STRN: variants seen among roughly 807,000 people sequenced by gnomAD.
The protein encoded by STRN is striatin.
A neutral mutation model predicts 96.3 loss-of-function variants in STRN; 53 were observed. The observed-to-expected ratio is 0.55, with a 90% CI of 0.44 to 0.69. The LOEUF is 0.69. Among genes scored for constraint, STRN ranks in the 30% least tolerant of loss-of-function variants. The probability of loss-of-function intolerance (pLI) is 0.00; values close to 1 mark genes in which losing one functional copy is unlikely to be tolerated. For synonymous variants in STRN, 428 were observed against 355.9 expected (o/e 1.20, Z -2.28); for missense variants, 987 against 963.9 (o/e 1.02, Z -0.32).
chr2:36,964,243 T>C lies in STRN; in HGVS notation c.234+1987A>G, dbSNP rs139802071. Among the ~76,000 whole-genome samples, 4 of 151,416 alleles carry C rather than the reference T, an allele frequency of 2.6e-5. No individual in the cohort carries two copies. The East Asian group carries it at 7.7e-4, about 29-fold the overall frequency. On this transcript the variant is annotated intron_variant, in intron 1 of 17. Coordinates refer to ENST00000263918, the MANE Select transcript of STRN (RefSeq NM_003162.4). ...CTACAGGTAGAAAGGTAAGCATTGT[T>C]TTCTGGTGTGTGTGTGTGTTTTGTT...
At chr2:36,917,811 A>C (rs1264679122) in intron 2 of STRN, among the ~76,000 whole-genome samples, 2 of 151,970 alleles carry the variant, frequency 1.3e-5, no homozygotes, top group Non-Finnish European at 2.9e-5. Context: ...TTTTATAGTA[A>C]CATTTACACA....
Position 36,947,569 on chromosome 2 carries a change from T to TTATA in STRN, c.234+18657_234+18660dup, listed in dbSNP as rs951432929. Among the ~76,000 whole-genome samples, 1,379 of 145,758 alleles carry TTATA rather than the reference T, an allele frequency of 9.5e-3. 25 individuals are homozygous for TTATA. Among genetic ancestry groups the TTATA allele is most frequent in the African/African-American group, 0.033 (1,311 of 40,120 alleles). On this transcript the variant is annotated intron_variant, in intron 1 of 17. Coordinates refer to ENST00000263918, the MANE Select transcript of STRN (RefSeq NM_003162.4). ...AACATATATATTATTTACATATATA[T>TTATA]TATATATATATATATATAAAATCAC...
In STRN at chr2:36,839,502, C is replaced by G. The variant is rs753011181; in HGVS notation, c.*9954G>C. ...AACTACATGACCAGAAGTCTGTATT[C>G]AGAGAGTGAACAAGTCATTTGCTGG... On this transcript the variant is annotated 3_prime_UTR_variant, in exon 18 of 18. Transcript: ENST00000263918. Among the ~76,000 whole-genome samples, 1 of 152,154 alleles carries G rather than the reference C, an allele frequency of 6.6e-6. No individual in the cohort carries two copies. The highest frequency in any genetic ancestry group is 6.5e-5 in the Admixed American group (1 of 15,270).
chr2:36,861,124 T>G lies in STRN; in HGVS notation c.1669+8A>C. 6.2e-7 allele frequency: 1 copy of G among 1,612,096 alleles called. No homozygotes were observed. The highest frequency in any genetic ancestry group is 8.5e-7 in the Non-Finnish European group (1 of 1,179,530). ...TTTATTCCTTCAGATCTTTGGGAAA[T>G]CACCTACCATAAGAATCATAGGGGT... On this transcript the variant is annotated splice_region_variant and intron_variant, in intron 13 of 17. Transcript: ENST00000263918.
chr2:36,872,437 AT>A (rs1668786460), intron 10 of STRN, among the ~76,000 whole-genome samples: 1 of 152,212 alleles, frequency 6.6e-6, no homozygotes, highest in Non-Finnish European at 1.5e-5. Context: ...TCTGGCCAAC[AT>A]CTTGATTGCA....
chr2:36,903,941 C>T (rs942675407), intron 4 of STRN, among the ~76,000 whole-genome samples: 2 of 152,134 alleles, frequency 1.3e-5, no homozygotes, highest in African/African-American at 2.4e-5. Flanking sequence ...ATTACAAATA[C>T]CTGTTTCAAA....
chr2:36,867,206 C>A (rs957978508), intron 12 of STRN, among the ~76,000 whole-genome samples: 1 of 151,858 alleles, frequency 6.6e-6, no homozygotes, highest in Non-Finnish European at 1.5e-5. Context: ...AACCCTTCGG[C>A]CAGGTGCCTG....
intron 9 of STRN, among the ~76,000 whole-genome samples, chr2:36,879,516 T>C (rs1473278557): frequency 2.0e-5 from 3 of 152,242 alleles, no homozygotes; most frequent in Admixed American, 6.5e-5. Context: ...ACAACCATCA[T>C]AGAAAAATCA....
chr2:36,918,333 A>G (rs545836904), intron 2 of STRN, among the ~76,000 whole-genome samples: 2 of 152,276 alleles, frequency 1.3e-5, no homozygotes, highest in South Asian at 2.1e-4. Context: ...TTCATTTACC[A>G]TAAGACAAAG....
intron 1 of STRN, among the ~76,000 whole-genome samples, chr2:36,962,957 A>G (rs1209798479): frequency 3.3e-5 from 5 of 152,198 alleles, no homozygotes; most frequent in Non-Finnish European, 7.3e-5. Flanking sequence ...TTTCTCAAAT[A>G]TTATTAGTAT....
chr2:36,897,443 ATAT>A (rs1669571926), intron 6 of STRN, among the ~76,000 whole-genome samples: 1 of 149,634 alleles, frequency 6.7e-6, no homozygotes, highest in African/African-American at 2.4e-5. Context: ...AAATATATAT[ATAT>A]TTTTTTTTTG....
chr2:36,935,712 A>G (rs1670684343), intron 1 of STRN, among the ~76,000 whole-genome samples: 1 of 152,232 alleles, frequency 6.6e-6, no homozygotes, highest in Admixed American at 6.5e-5. Context: ...AATAGACTCA[A>G]CTGTTCCATC....
chr2:36,939,551 A>G (rs1395726152), intron 1 of STRN, among the ~76,000 whole-genome samples: 1 of 151,928 alleles, frequency 6.6e-6, no homozygotes. Flanking sequence ...TATTATTATT[A>G]TTATTATTTT....
At chr2:36,963,556 C>T (rs886150554) in intron 1 of STRN, among the ~76,000 whole-genome samples, 1 of 152,046 alleles carries the variant, frequency 6.6e-6, no homozygotes. Flanking sequence ...ACTGCAAACT[C>T]TTCCCCCCAA....
At chr2:36,893,616 C>T (rs184215492) in intron 7 of STRN, among the ~76,000 whole-genome samples, 128 of 152,250 alleles carry the variant, frequency 8.4e-4, no homozygotes, top group African/African-American at 3.0e-3. Context: ...TCTAGATTTG[C>T]AAGTTCCACT....
intron 3 of STRN, among the ~76,000 whole-genome samples, chr2:36,910,546 AAGTT>A (rs1244158243): frequency 5.9e-5 from 9 of 152,210 alleles, no homozygotes; most frequent in Non-Finnish European, 1.3e-4. Flanking sequence ...AGACTGTAAT[AAGTT>A]AAAGATGTGC....
chr2:36,889,571 G>A (rs1383724588), intron 7 of STRN, among the ~76,000 whole-genome samples: 2 of 118,214 alleles, frequency 1.7e-5, no homozygotes. Flanking sequence ...CTTTTTGCTT[G>A]CCAGAATCTA....
chr2:36,884,951 G>A (rs1669181676), intron 8 of STRN, among the ~76,000 whole-genome samples: 1 of 151,994 alleles, frequency 6.6e-6, no homozygotes. Flanking sequence ...AAGATAACAT[G>A]AACTGAAGAC....
chr2:36,861,376 A>G, intron 12 of STRN, 123 bp from the exon 13 acceptor site: 1 of 1,251,932 alleles, frequency 8.0e-7, no homozygotes, highest in South Asian at 1.5e-5. Context: ...ATAAAAAATG[A>G]AAACACAGGT....
Sources: allele counts gnomAD v4.1 joint callset (sites outside exome capture counted in the v4.1 genomes callset), GRCh38; gene constraint gnomAD v4.1.1; transcripts MANE v1.5; gene names NCBI Gene and HGNC (gene_info 2026-07-23, HGNC 2026-07-21).